The following LSAMP variants were observed in gnomAD, a reference collection of about 807,000 sequenced individuals.
LSAMP encodes limbic system-associated membrane protein.
Under a neutral mutation model 38.6 loss-of-function variants are expected in LSAMP, and 7 were observed. That is an observed-to-expected ratio of 0.18 (90% CI 0.10 to 0.34). LSAMP has a LOEUF of 0.34. Ranked by LOEUF, LSAMP falls within the 10% of genes least tolerant of loss-of-function variation. LSAMP has a pLI of 1.00. For synonymous variants in LSAMP, 154 were observed against 166.8 expected, an observed-to-expected ratio of 0.92 and a Z score of 0.59; for missense variants, 313 against 420.0, an observed-to-expected ratio of 0.75 and a Z score of 2.23.
At chr3:115,865,768 T>A (rs7628844) in intron 3 of LSAMP, among the ~76,000 whole-genome samples, 2,410 of 152,254 alleles carry the variant, frequency 0.016, 59 homozygotes, top group African/African-American at 0.055. Flanking sequence ...ATCCTTCTGA[T>A]CTTACTAGTT....
At chr3:116,324,911 G>A (rs1393851436) in intron 1 of LSAMP, among the ~76,000 whole-genome samples, 1 of 151,678 alleles carries the variant, frequency 6.6e-6, no homozygotes, top group Admixed American at 6.6e-5. Flanking sequence ...TGAGCCTCTC[G>A]GCCTCTCATA....
At chr3:116,050,415 A>G (rs1441443090) in intron 2 of LSAMP, among the ~76,000 whole-genome samples, 1 of 152,080 alleles carries the variant, frequency 6.6e-6, no homozygotes, top group Admixed American at 6.6e-5. Flanking sequence ...AACTCCTTTG[A>G]CATTATCCAA....
chr3:115,959,711 T>G (rs1365891486), intron 3 of LSAMP, among the ~76,000 whole-genome samples: 1 of 152,158 alleles, frequency 6.6e-6, no homozygotes. Context: ...TGAAGTAATA[T>G]ATGGATGTGC....
chr3:116,405,148 T>G (rs112822015), intron 1 of LSAMP, among the ~76,000 whole-genome samples: 1 of 152,094 alleles, frequency 6.6e-6, no homozygotes, highest in Non-Finnish European at 1.5e-5. Flanking sequence ...AGAACAGGCA[T>G]AGATGCATGG....
At chr3:116,127,113 G>T (rs1709025558) in intron 1 of LSAMP, among the ~76,000 whole-genome samples, 1 of 152,168 alleles carries the variant, frequency 6.6e-6, no homozygotes, top group Non-Finnish European at 1.5e-5. Context: ...TAAACCAAGT[G>T]ATAGAGTAGG....
intron 1 of LSAMP, among the ~76,000 whole-genome samples, chr3:116,202,944 T>C (rs2046007660): frequency 1.3e-5 from 2 of 152,218 alleles, no homozygotes; most frequent in African/African-American, 4.8e-5. Context: ...AATGTGTTCT[T>C]TGTTGCTGAA....
intron 2 of LSAMP, among the ~76,000 whole-genome samples, chr3:116,034,145 C>G: frequency 6.6e-6 from 1 of 151,960 alleles, no homozygotes; most frequent in East Asian, 1.9e-4. Flanking sequence ...GGTGGTCATG[C>G]AATTGGATGC....
rs369160725 is a variant in LSAMP at position 116,198,869 on chromosome 3, G to A, written c.156-112313C>T. ...GAGGCAGGAGGGTCACTTGAGCTCC[G>A]GAGTTCAAAACCAGCCTGGGCAACA... On this transcript the variant is annotated intron_variant, in intron 1 of 6. Coordinates refer to ENST00000490035, the MANE Select transcript of LSAMP (RefSeq NM_002338.5). 1.1e-4 allele frequency among the ~76,000 whole-genome samples: 16 copies of A among 152,028 alleles called. No homozygotes were observed. The East Asian group carries it at 2.7e-3, about 26-fold the overall frequency.
At chr3:116,356,470 G>A (rs1313913641) in intron 1 of LSAMP, among the ~76,000 whole-genome samples, 2 of 152,148 alleles carry the variant, frequency 1.3e-5, no homozygotes, top group African/African-American at 4.8e-5. Flanking sequence ...AATGGGGAAG[G>A]CTAATAGGTA....
chr3:116,128,067 G>A (rs1416544093), intron 1 of LSAMP, among the ~76,000 whole-genome samples: 2 of 152,062 alleles, frequency 1.3e-5, no homozygotes, highest in Non-Finnish European at 2.9e-5. Flanking sequence ...TGCCTGGTTG[G>A]ATGTAATTGT....
intron 1 of LSAMP, among the ~76,000 whole-genome samples, chr3:116,325,519 T>A (rs1235360233): frequency 6.6e-6 from 1 of 152,206 alleles, no homozygotes; most frequent in Middle Eastern, 3.4e-3. Flanking sequence ...CCCTCAAAGT[T>A]TGAGATGAAT....
intron 2 of LSAMP, among the ~76,000 whole-genome samples, chr3:116,030,113 C>T (rs1940885969): frequency 6.6e-6 from 1 of 152,108 alleles, no homozygotes. Context: ...TGGATATCTG[C>T]AAACTGAGAG....
intron 1 of LSAMP, among the ~76,000 whole-genome samples, chr3:116,202,931 A>T (rs191878146): frequency 1.8e-4 from 27 of 152,324 alleles, no homozygotes; most frequent in Admixed American, 1.6e-3. Context: ...AAGGACACAT[A>T]GAAATGTGTT....
chr3:116,089,346 A>T (rs1708065465), intron 1 of LSAMP, among the ~76,000 whole-genome samples: 1 of 152,132 alleles, frequency 6.6e-6, no homozygotes, highest in Non-Finnish European at 1.5e-5. Flanking sequence ...TAGAATACAC[A>T]TATACTTTTT....
chr3:116,381,152 T>G (rs1288492419), intron 1 of LSAMP, among the ~76,000 whole-genome samples: 1 of 152,116 alleles, frequency 6.6e-6, no homozygotes, highest in Admixed American at 6.5e-5. Flanking sequence ...AAATTTAATC[T>G]AGATCTAATA....
intron 1 of LSAMP, among the ~76,000 whole-genome samples, chr3:116,204,742 T>C (rs1386029963): frequency 6.6e-6 from 1 of 151,526 alleles, no homozygotes; most frequent in African/African-American, 2.4e-5. Flanking sequence ...GAGGGCTCTG[T>C]TCTGTTCCAT....
At chr3:115,905,313 A>G (rs1483025288) in intron 3 of LSAMP, among the ~76,000 whole-genome samples, 3 of 152,132 alleles carry the variant, frequency 2.0e-5, no homozygotes, top group South Asian at 2.1e-4. Context: ...TTCAAAAGAC[A>G]GGAAACTCAC....
chr3:116,331,360 ACTT>A (rs1360844614), intron 1 of LSAMP, among the ~76,000 whole-genome samples: 1 of 152,142 alleles, frequency 6.6e-6, no homozygotes, highest in Non-Finnish European at 1.5e-5. Flanking sequence ...ATGGCCAAAA[ACTT>A]CTCAATTATT....
chr3:116,109,934 G>A (rs528764071), intron 1 of LSAMP, among the ~76,000 whole-genome samples: 28 of 149,694 alleles, frequency 1.9e-4, no homozygotes, highest in Middle Eastern at 3.4e-3. Context: ...GCGGAAATAA[G>A]GGATTGGGGC....
Sources: allele counts gnomAD v4.1 joint callset (sites outside exome capture counted in the v4.1 genomes callset), GRCh38; gene constraint gnomAD v4.1.1; transcripts MANE v1.5; gene names NCBI Gene and HGNC (gene_info 2026-07-23, HGNC 2026-07-21).